Variants in TENM3 observed in about 807,000 individuals in gnomAD.
TENM3 encodes teneurin-3.
Under a neutral mutation model 255.1 loss-of-function variants are expected in TENM3, and 63 were observed. The observed-to-expected ratio is 0.25, with a 90% CI of 0.20 to 0.30. The LOEUF is 0.30. Among genes scored for constraint, TENM3 ranks in the 10% least tolerant of loss-of-function variants. The pLI is 1.00. For missense variants in TENM3, 2,929 were observed against 3,461.1 expected (o/e 0.85, Z 3.86); for synonymous variants, 1,306 against 1,322.3 (o/e 0.99, Z 0.27).
intron 3 of TENM3, among the ~76,000 whole-genome samples, chr4:182,468,034 A>C (rs1732757232): frequency 6.6e-6 from 1 of 152,182 alleles, no homozygotes; most frequent in African/African-American, 2.4e-5. Context: ...TTACCTATGA[A>C]ACTTAAATTC....
At chr4:182,588,218 T>TA (rs1746242442) in intron 3 of TENM3, among the ~76,000 whole-genome samples, 1 of 152,214 alleles carries the variant, frequency 6.6e-6, no homozygotes, top group Non-Finnish European at 1.5e-5. Context: ...TTAATTGATT[T>TA]ATATAGTTAG....
At chr4:182,506,716 AAGATT>A in intron 3 of TENM3, among the ~76,000 whole-genome samples, 1 of 152,240 alleles carries the variant, frequency 6.6e-6, no homozygotes, top group East Asian at 1.9e-4. Context: ...TTGTACATAA[AAGATT>A]AAAGTGAAAG....
intron 16 of TENM3, among the ~76,000 whole-genome samples, chr4:182,732,890 T>G (rs1376492223): frequency 6.6e-6 from 1 of 152,116 alleles, no homozygotes; most frequent in South Asian, 2.1e-4. Context: ...CTGTGGTCAT[T>G]AAAGTACACT....
the TENM3 span, among the ~76,000 whole-genome samples, chr4:182,064,230 A>G: frequency 6.6e-6 from 1 of 151,998 alleles, no homozygotes; most frequent in Non-Finnish European, 1.5e-5. Context: ...GACTTCACAT[A>G]GAGAAGTCAT....
intron 3 of TENM3, among the ~76,000 whole-genome samples, chr4:182,379,447 A>G (rs1051144461): frequency 3.9e-5 from 6 of 152,194 alleles, no homozygotes; most frequent in Non-Finnish European, 5.9e-5. Context: ...GAGCAGTCCA[A>G]GTCCCCACAG....
chr4:181,849,949 T>TCTCACACACA, the TENM3 span, among the ~76,000 whole-genome samples: 6 of 65,946 alleles, frequency 9.1e-5, no homozygotes, highest in East Asian at 7.3e-4. Context: ...TCTCTCTCTC[T>TCTCACACACA]CACACACACA....
upstream of TENM3, chr4:182,143,867 A>G (rs921331): frequency 0.99 from 151,085 of 152,638 alleles, 74,800 homozygotes; most frequent in Middle Eastern, 1. This position sits in a 1 kb window ranked among gnomAD's most constrained non-coding sequence, Gnocchi z 4.3. Context: ...GAGAGTAGTA[A>G]AGGCACTGAT....
chr4:181,545,925 A>G, the TENM3 span, among the ~76,000 whole-genome samples: 532 of 152,300 alleles, frequency 3.5e-3, 4 homozygotes, highest in African/African-American at 0.012. Context: ...TCCACTGAGA[A>G]GCACCATTAT....
At chr4:182,362,396 C>T (rs1766074137) in intron 3 of TENM3, among the ~76,000 whole-genome samples, 2 of 151,808 alleles carry the variant, frequency 1.3e-5, no homozygotes, top group African/African-American at 4.8e-5. Flanking sequence ...TTCCCGGCTG[C>T]TTTGTTTACC....
chr4:181,760,525 T>A, the TENM3 span, among the ~76,000 whole-genome samples: 1 of 152,228 alleles, frequency 6.6e-6, no homozygotes, highest in Admixed American at 6.5e-5. Flanking sequence ...ATTTGTAGTT[T>A]AATTTCTCCT....
At chr4:182,306,410 G>A (rs1009960399) in intron 1 of TENM3, among the ~76,000 whole-genome samples, 9 of 152,106 alleles carry the variant, frequency 5.9e-5, no homozygotes, top group East Asian at 1.9e-4. Flanking sequence ...GAAAGCATAC[G>A]TGAAAATGTT....
At chr4:181,462,623 A>G in the TENM3 span, among the ~76,000 whole-genome samples, 1 of 152,146 alleles carries the variant, frequency 6.6e-6, no homozygotes, top group Non-Finnish European at 1.5e-5. Context: ...ATGTTACTAA[A>G]TTGTCCCCAG....
rs112946356 is a variant in TENM3, at chr4:182,332,864, T to C, written c.232+8612T>C. 9.6e-3 allele frequency among the ~76,000 whole-genome samples: 1,467 copies of C among 152,250 alleles called. 26 individuals carry two copies. The highest frequency in any genetic ancestry group is 0.033 in the African/African-American group (1,376 of 41,554). On this transcript the variant is annotated intron_variant, in intron 2 of 27. Transcript: ENST00000511685. Reference sequence around the variant, plus strand: ...GTAAAATAGAAAGCACCTATGATCCTGATTAAGAAATAATGAGAACAAAAA... The same window carrying C: ...GTAAAATAGAAAGCACCTATGATCCCGATTAAGAAATAATGAGAACAAAAA...
At chr4:182,189,803 CAGT>C (rs1681662814) in intron 1 of TENM3, among the ~76,000 whole-genome samples, 1 of 152,162 alleles carries the variant, frequency 6.6e-6, no homozygotes, top group Non-Finnish European at 1.5e-5. Flanking sequence ...GGCTGGCCCA[CAGT>C]GGTGGCCTTC....
chr4:181,477,637 A>T, the TENM3 span, among the ~76,000 whole-genome samples: 1 of 152,192 alleles, frequency 6.6e-6, no homozygotes, highest in African/African-American at 2.4e-5. Flanking sequence ...TTTTAAAAAA[A>T]TAATTGTTTT....
chr4:182,778,358 CATT>C (rs1161807578), intron 24 of TENM3, among the ~76,000 whole-genome samples: 1 of 152,182 alleles, frequency 6.6e-6, no homozygotes, highest in African/African-American at 2.4e-5. Flanking sequence ...ATTTAAATCT[CATT>C]ATGCCAGTCA....
rs999053791 is a variant in TENM3, at chr4:182,525,687, A to G, written c.512-75237A>G. Among the ~76,000 whole-genome samples the G allele has an allele frequency of 8.5e-5, 13 of 152,144 alleles. 1 individual carries two copies. Among genetic ancestry groups the G allele is most frequent in the South Asian group, 6.2e-4 (3 of 4,824 alleles). ...GAATTTCTGTTGCCCTTCGAGTTCT[A>G]TTGTCCCCATGTGTATTGATTGCCT... On this transcript the variant is annotated intron_variant, in intron 3 of 27. Transcript: ENST00000511685.
the TENM3 span, among the ~76,000 whole-genome samples, chr4:181,499,519 A>AG: frequency 6.6e-6 from 1 of 152,312 alleles, no homozygotes; most frequent in Admixed American, 6.5e-5. Context: ...GCTGACATGA[A>AG]GGGGCACAGA....
the TENM3 span, among the ~76,000 whole-genome samples, chr4:181,489,097 T>TC: frequency 6.6e-6 from 1 of 152,160 alleles, no homozygotes; most frequent in Admixed American, 6.5e-5. Context: ...AGAAAACCAT[T>TC]CATTCATCTG....
Sources: gnomAD v4.1 joint callset for allele counts (sites outside exome capture counted in the v4.1 genomes callset) on GRCh38, gnomAD v4.1.1 for gene constraint, Gnocchi (gnomAD v3.1) non-coding constraint, MANE v1.5 for transcripts, NCBI Gene and HGNC (gene_info 2026-07-23, HGNC 2026-07-21) for gene names.